The following PTPRT variants were observed in gnomAD, a reference collection of about 807,000 sequenced individuals.
The protein encoded by PTPRT is protein tyrosine phosphatase receptor type T, also known as receptor-type tyrosine-protein phosphatase T.
PTPRT carries 56 observed loss-of-function variants against 176.8 expected under a neutral mutation model. The ratio of observed to expected loss-of-function variants is 0.32; its 90% CI spans 0.26 to 0.40. PTPRT has a LOEUF of 0.40. Among genes scored for constraint, PTPRT ranks in the 10% least tolerant of loss-of-function variants. The pLI, the probability that PTPRT is intolerant of heterozygous loss-of-function variation, is 1.00. For synonymous variants in PTPRT, 783 were observed against 739.0 expected (o/e 1.06, Z -0.96); for missense variants, 1,540 against 1,908.2 (o/e 0.81, Z 3.60).
At position 42,161,528 on chromosome 20, in the gene PTPRT, C is replaced by A; in HGVS notation, c.2506G>T (p.Gly836Trp). 1 of 1,608,882 alleles carries A rather than the reference C, an allele frequency of 6.2e-7. No individual in the cohort carries two copies. Among genetic ancestry groups the A allele is most frequent in the Non-Finnish European group, 8.5e-7 (1 of 1,177,498 alleles). ...DVNGFTDGSR[G>W]ELSQPTLTIQ... ...GTGAGGGTGGGCTGGGAAAGCTCCC[C>A]GCGGCTGCCATCTGCTTCGAAAAGA... is the stretch of plus-strand genomic sequence containing the variant. The change falls in exon 17 of 31, where the codon GGG (glycine) becomes TGG (tryptophan). Residue 836 changes from glycine to tryptophan, a missense_variant. Physicochemically the swap from Gly to Trp is radical, Grantham distance 184 (BLOSUM62 -2). This residue lies in a region of PTPRT where 255 missense variants were observed against 250.1 expected (regional missense o/e 1.02). Coordinates refer to ENST00000373187, the MANE Select transcript of PTPRT (RefSeq NM_007050.6).
chr20:42,456,569 T>C (rs1048547964), intron 8 of PTPRT, among the ~76,000 whole-genome samples: 2 of 152,132 alleles, frequency 1.3e-5, no homozygotes, highest in African/African-American at 4.8e-5. Flanking sequence ...TAAATCATGC[T>C]GAGAATTAAC....
chr20:42,823,971 T>C (rs2077947410), intron 2 of PTPRT, among the ~76,000 whole-genome samples: 1 of 152,010 alleles, frequency 6.6e-6, no homozygotes, highest in Admixed American at 6.6e-5. Context: ...ACAACAGCTT[T>C]CTTATATAGC....
intron 29 of PTPRT, among the ~76,000 whole-genome samples, chr20:42,083,246 G>T (rs550750182): frequency 6.6e-6 from 1 of 152,222 alleles, no homozygotes; most frequent in East Asian, 1.9e-4. Context: ...AGGAAGAGGT[G>T]AGTAGACACA....
At chr20:42,265,325 G>A (rs545642482) in intron 13 of PTPRT, among the ~76,000 whole-genome samples, 1 of 152,184 alleles carries the variant, frequency 6.6e-6, no homozygotes, top group East Asian at 1.9e-4. Flanking sequence ...CATCATTTCA[G>A]AGTTGAGTGA....
chr20:42,287,798 A>C (rs2147075710), intron 12 of PTPRT, among the ~76,000 whole-genome samples: 1 of 152,092 alleles, frequency 6.6e-6, no homozygotes, highest in East Asian at 1.9e-4. Context: ...ATCACTATTC[A>C]TTATATGTCT....
At chr20:42,128,731 C>T in intron 19 of PTPRT, 23 bp downstream of exon 19, 3 of 1,566,644 alleles carry the variant, frequency 1.9e-6, no homozygotes, top group African/African-American at 1.4e-5. Context: ...AGCCCCAGCC[C>T]CCAGCCCCAT....
intron 16 of PTPRT, among the ~76,000 whole-genome samples, chr20:42,185,048 C>T (rs937838051): frequency 1.3e-5 from 2 of 152,082 alleles, no homozygotes; most frequent in African/African-American, 4.8e-5. Context: ...GTCCAAATAT[C>T]TTCCTTTTTA....
intron 1 of PTPRT, among the ~76,000 whole-genome samples, chr20:42,926,900 C>G (rs1206009965): frequency 6.6e-6 from 1 of 152,292 alleles, no homozygotes; most frequent in African/African-American, 2.4e-5. Context: ...GGAGCAGCCA[C>G]CCAGATGGGG....
At chr20:42,787,265 T>A (rs150716922) in intron 3 of PTPRT, among the ~76,000 whole-genome samples, 55 of 152,262 alleles carry the variant, frequency 3.6e-4, no homozygotes, top group African/African-American at 1.2e-3. Context: ...CACTATGAAA[T>A]GGATGCTCTT....
intron 7 of PTPRT, among the ~76,000 whole-genome samples, chr20:42,613,131 T>C (rs1011137066): frequency 2.0e-5 from 3 of 152,240 alleles, no homozygotes; most frequent in Non-Finnish European, 4.4e-5. Flanking sequence ...CAACAGTCTA[T>C]TCATGGACCA....
chr20:42,598,869 T>C (rs555271733), intron 7 of PTPRT, among the ~76,000 whole-genome samples: 29 of 152,308 alleles, frequency 1.9e-4, no homozygotes, highest in African/African-American at 6.5e-4. Context: ...CTCGTTCACC[T>C]CTGCACCTCC....
At chr20:43,156,893 C>A (rs1459138103) in intron 1 of PTPRT, among the ~76,000 whole-genome samples, 1 of 152,158 alleles carries the variant, frequency 6.6e-6, no homozygotes, top group Non-Finnish European at 1.5e-5. Flanking sequence ...GAGGGGTACA[C>A]CCACATTAAT....
chr20:42,634,470 T>A (rs977590364), intron 7 of PTPRT, among the ~76,000 whole-genome samples: 2 of 151,838 alleles, frequency 1.3e-5, no homozygotes, highest in Admixed American at 1.3e-4. Flanking sequence ...CAGACCCACA[T>A]GAGACTTCAC....
chr20:42,834,687 G>A (rs576140024), intron 2 of PTPRT, among the ~76,000 whole-genome samples: 3 of 152,016 alleles, frequency 2.0e-5, no homozygotes, highest in Admixed American at 6.5e-5. Flanking sequence ...TTAATTCACC[G>A]TACCCCACCA....
chr20:42,250,993 T>A (rs1350021977), intron 13 of PTPRT, among the ~76,000 whole-genome samples: 2 of 152,200 alleles, frequency 1.3e-5, no homozygotes, highest in Admixed American at 1.3e-4. Flanking sequence ...CATTTAGGGA[T>A]GGGGGGACGA....
At chr20:42,242,189 C>T (rs2056367849) in intron 14 of PTPRT, among the ~76,000 whole-genome samples, 1 of 152,170 alleles carries the variant, frequency 6.6e-6, no homozygotes, top group African/African-American at 2.4e-5. Context: ...CATACTGCCT[C>T]CAGCCTTGCC....
intron 16 of PTPRT, among the ~76,000 whole-genome samples, chr20:42,163,244 A>G (rs1171781482): frequency 6.6e-6 from 1 of 152,088 alleles, no homozygotes; most frequent in African/African-American, 2.4e-5. Context: ...AAAACTTCCT[A>G]ATTCAGGGTG....
intron 11 of PTPRT, among the ~76,000 whole-genome samples, chr20:42,338,489 A>G (rs2058070112): frequency 6.6e-6 from 1 of 152,204 alleles, no homozygotes; most frequent in Non-Finnish European, 1.5e-5. Flanking sequence ...CCACCATTGG[A>G]AACTGCTTTG....
chr20:42,101,844 T>C (rs1190672589), intron 26 of PTPRT, among the ~76,000 whole-genome samples: 1 of 152,210 alleles, frequency 6.6e-6, no homozygotes, highest in Non-Finnish European at 1.5e-5. Context: ...AAGAGGTTGC[T>C]AGGCAGGCCT....
Sources: gnomAD v4.1 joint callset for allele counts (sites outside exome capture counted in the v4.1 genomes callset) on GRCh38, gnomAD v4.1.1 for gene constraint, gnomAD v4.1.1 regional missense constraint, MANE v1.5 for transcripts, NCBI Gene and HGNC (gene_info 2026-07-23, HGNC 2026-07-21) for gene names.